Variants in VPS41 observed in about 807,000 individuals in gnomAD.
VPS41 encodes vacuolar protein sorting-associated protein 41 homolog.
A neutral mutation model predicts 130.9 loss-of-function variants in VPS41; 85 were observed. That is an observed-to-expected ratio of 0.65 (90% CI 0.55 to 0.78). The LOEUF (loss-of-function observed/expected upper bound fraction) is 0.78. Ranked by LOEUF, VPS41 falls within the 30% of genes least tolerant of loss-of-function variation. VPS41 has a pLI of 0.00. For missense variants in VPS41, 874 were observed against 1,018.7 expected, an observed-to-expected ratio of 0.86 and a Z score of 1.93; for synonymous variants, 335 against 332.9, an observed-to-expected ratio of 1.01 and a Z score of -0.07.
intron 28 of VPS41, among the ~76,000 whole-genome samples, 192 bp from the exon 29 acceptor site, chr7:38,726,518 C>G (rs983978365): frequency 6.6e-6 from 1 of 152,128 alleles, no homozygotes; most frequent in Non-Finnish European, 1.5e-5. Flanking sequence ...ACTCCAAGGA[C>G]ACCCAACAGC....
intron 5 of VPS41, among the ~76,000 whole-genome samples, chr7:38,821,718 AAAAGAAAAAG>A (rs1377679916): frequency 3.7e-5 from 5 of 133,720 alleles, no homozygotes; most frequent in Non-Finnish European, 6.4e-5. Flanking sequence ...AAAAAAAAAA[AAAAGAAAAAG>A]AAAAAGAAAA....
rs970920462 is a variant in VPS41 at position 38,799,978 on chromosome 7, G to A, written c.451-3114C>T. On this transcript the variant is annotated intron_variant, in intron 7 of 28. Transcript: ENST00000310301. Reference sequence around the variant, plus strand: ...AGGTATCTTCAAACTACTGAACTGCGGTCTTGGACACCGTCTTTCTGGAGG... The same window carrying A: ...AGGTATCTTCAAACTACTGAACTGCAGTCTTGGACACCGTCTTTCTGGAGG... 4.6e-5 allele frequency among the ~76,000 whole-genome samples: 7 copies of A among 151,996 alleles called. No individual in the cohort carries two copies. The East Asian group carries it at 7.7e-4, about 17-fold the overall frequency.
Position 38,880,920 on chromosome 7 carries a change from T to C in VPS41, c.61-11667A>G, listed in dbSNP as rs576035452. ...TTTTTATAAATACAGCTCCCCACAG[T>C]ATTAGCAGTTTCGTCACAACCATTT... On this transcript the variant is annotated intron_variant, in intron 2 of 28. Coordinates refer to ENST00000310301, the MANE Select transcript of VPS41 (RefSeq NM_014396.4). 2.6e-5 allele frequency among the ~76,000 whole-genome samples: 4 copies of C among 152,268 alleles called. No homozygotes were observed. The South Asian group carries it at 8.3e-4, about 32-fold the overall frequency.
chr7:38,814,464 C>T (rs1007273344), intron 7 of VPS41, among the ~76,000 whole-genome samples: 4 of 152,160 alleles, frequency 2.6e-5, no homozygotes, highest in African/African-American at 9.7e-5. Flanking sequence ...TCCTGGCTAA[C>T]ACAGTGAAAC....
chr7:38,737,974 C>T (rs907659932), intron 25 of VPS41, among the ~76,000 whole-genome samples: 1 of 152,172 alleles, frequency 6.6e-6, no homozygotes, highest in Non-Finnish European at 1.5e-5. Context: ...CTAAGATGGA[C>T]GTTTAATCTA....
intron 4 of VPS41, among the ~76,000 whole-genome samples, chr7:38,861,474 T>C (rs1786111904): frequency 6.6e-6 from 1 of 152,158 alleles, no homozygotes; most frequent in Admixed American, 6.5e-5. Context: ...TATATTCCTC[T>C]TGCCTCAAAG....
Position 38,728,712 on chromosome 7 carries a change from A to T in VPS41, c.2339T>A (p.Met780Lys). Residue 780 changes from methionine to lysine, a missense_variant, in exon 26 of 29, where the codon ATG (methionine) becomes AAG (lysine). Physicochemically the swap from Met to Lys is moderately conservative, Grantham distance 95 (BLOSUM62 -1). Transcript: ENST00000310301. ...SLLKKMHRTQMKGVLVDEENI... is the reference protein window; with the variant it reads ...SLLKKMHRTQKKGVLVDEENI... Reference sequence around the variant, plus strand: ...CCCACCATCAACAAGAACACCTTTCATTTGAGTTCGGTGCATTTTCTTCAG... The same window carrying T: ...CCCACCATCAACAAGAACACCTTTCTTTTGAGTTCGGTGCATTTTCTTCAG... The T allele has an allele frequency of 2.5e-6, 4 of 1,614,172 alleles. No homozygotes were observed. Among genetic ancestry groups the T allele is most frequent in the Non-Finnish European group, 3.4e-6 (4 of 1,180,018 alleles).
chr7:38,878,870 A>G (rs934093224), intron 2 of VPS41, among the ~76,000 whole-genome samples: 4 of 152,274 alleles, frequency 2.6e-5, no homozygotes, highest in Non-Finnish European at 5.9e-5. Context: ...TCCCATCATC[A>G]GCAGGAAACA....
intron 4 of VPS41, among the ~76,000 whole-genome samples, chr7:38,855,864 G>A (rs531961218): frequency 1.1e-3 from 165 of 152,264 alleles, no homozygotes; most frequent in African/African-American, 3.7e-3. Context: ...CCAAAAGTAA[G>A]ATTTAAGACT....
intron 10 of VPS41, among the ~76,000 whole-genome samples, chr7:38,782,524 T>C (rs1042744681): frequency 6.6e-6 from 1 of 152,230 alleles, no homozygotes; most frequent in Non-Finnish European, 1.5e-5. Context: ...TCTGCTTTTA[T>C]GGGAGGACTA....
At chr7:38,876,455 C>T (rs1414486288) in intron 2 of VPS41, among the ~76,000 whole-genome samples, 2 of 152,050 alleles carry the variant, frequency 1.3e-5, no homozygotes, top group African/African-American at 4.8e-5. Context: ...TCCCTAAGGT[C>T]GGTTTCTTCC....
chr7:38,726,945 G>A lies in VPS41; in HGVS notation c.2448C>T (p.His816=). The A allele has an allele frequency of 1.3e-6, 2 of 1,591,218 alleles. No individual in the cohort carries two copies. The highest frequency in any genetic ancestry group is 1.7e-6 in the Non-Finnish European group (2 of 1,168,602). The change falls in exon 28 of 29, where the codon CAC becomes CAT. Residue 816 remains histidine (H), a synonymous_variant. Transcript: ENST00000310301. ...TGGGCAGGCACTCCTTGTGGAACAT[G>A]TGCCGGCAATGGAAGACCACCACGC... is the stretch of plus-strand genomic sequence containing the variant. The part of the protein sequence containing the change: ...PFSVVVFHCR[H]MFHKECLPMP...
intron 4 of VPS41, among the ~76,000 whole-genome samples, chr7:38,849,956 A>G (rs1249558948): frequency 1.3e-5 from 2 of 152,104 alleles, no homozygotes; most frequent in Non-Finnish European, 2.9e-5. Flanking sequence ...GCAAAATACA[A>G]TTTTCCCTTA....
chr7:38,762,591 T>A (rs1562576531), intron 17 of VPS41, among the ~76,000 whole-genome samples: 1 of 152,224 alleles, frequency 6.6e-6, no homozygotes, highest in Non-Finnish European at 1.5e-5. Context: ...CAGTTTGTTT[T>A]TTGTAATCTG....
Position 38,794,692 on chromosome 7 carries a change from G to A in VPS41, c.717+773C>T, listed in dbSNP as rs962513722. On this transcript the variant is annotated intron_variant, in intron 9 of 28. Coordinates refer to ENST00000310301, the MANE Select transcript of VPS41 (RefSeq NM_014396.4). The stretch of plus-strand genomic sequence containing the variant: ...AATGGAGAAGCTGGACTTGATCCCA[G>A]GTCTGTCTGGCCTCAAAGCCTGAGC... Among the ~76,000 whole-genome samples the A allele has an allele frequency of 4.6e-5, 7 of 152,186 alleles. No individual in the cohort carries two copies. In the East Asian group the frequency reaches 1.3e-3, roughly 29 times the overall value.
intron 3 of VPS41, among the ~76,000 whole-genome samples, chr7:38,865,447 C>T (rs188215664): frequency 1.2e-3 from 180 of 151,058 alleles, no homozygotes; most frequent in African/African-American, 4.1e-3. Flanking sequence ...AAAAAAAACA[C>T]TCTATAATAC....
chr7:38,790,292 A>G (rs1373893904), intron 9 of VPS41, among the ~76,000 whole-genome samples: 2 of 56,046 alleles, frequency 3.6e-5, no homozygotes, highest in Admixed American at 2.4e-4. Flanking sequence ...CAGCACAAAG[A>G]GAACACCATT....
intron 4 of VPS41, among the ~76,000 whole-genome samples, chr7:38,832,300 G>A (rs1584417779): frequency 6.8e-6 from 1 of 146,294 alleles, no homozygotes; most frequent in African/African-American, 2.5e-5. Context: ...TTACATTTCA[G>A]AATTCATTTT....
At chr7:38,832,352 GCT>G (rs1431945975) in intron 4 of VPS41, among the ~76,000 whole-genome samples, 1 of 119,690 alleles carries the variant, frequency 8.4e-6, no homozygotes, top group African/African-American at 3.2e-5. Context: ...ACAGATTCTA[GCT>G]CTGTCACCAG....
Sources: gnomAD v4.1 joint callset for allele counts (sites outside exome capture counted in the v4.1 genomes callset) on GRCh38, gnomAD v4.1.1 for gene constraint, MANE v1.5 for transcripts, NCBI Gene and HGNC (gene_info 2026-07-23, HGNC 2026-07-21) for gene names.